Variants in RARB observed in about 807,000 individuals in gnomAD.
The protein encoded by RARB is HBV-activated protein.
Under a neutral mutation model 51.9 loss-of-function variants are expected in RARB, and 17 were observed. The ratio of observed to expected loss-of-function variants is 0.33; its 90% CI spans 0.22 to 0.49. The LOEUF is 0.49. Ranked by LOEUF, RARB falls within the 20% of genes least tolerant of loss-of-function variation. The pLI is 0.99. For missense variants in RARB, 369 were observed against 550.8 expected (o/e 0.67, Z 3.30); for synonymous variants, 215 against 195.4 (o/e 1.10, Z -0.84).
chr3:25,574,489 G>A (rs1429068674), intron 4 of RARB, among the ~76,000 whole-genome samples: 3 of 152,142 alleles, frequency 2.0e-5, no homozygotes, highest in Admixed American at 1.3e-4. Flanking sequence ...CTGTAAACTA[G>A]CGTGGGTGTG....
intron 2 of RARB, among the ~76,000 whole-genome samples, chr3:24,879,397 C>G (rs1052079125): frequency 6.6e-6 from 1 of 151,278 alleles, no homozygotes; most frequent in African/African-American, 2.4e-5. Context: ...TCACTGCATT[C>G]CAGCCTGGGC....
intron 3 of RARB, among the ~76,000 whole-genome samples, chr3:25,568,567 A>G (rs1201215269): frequency 3.3e-5 from 5 of 150,852 alleles, no homozygotes; most frequent in Admixed American, 6.6e-5. Flanking sequence ...TCCTCCTGCT[A>G]TTGTCTTACT....
chr3:24,911,478 G>C (rs545157424), intron 2 of RARB, among the ~76,000 whole-genome samples: 9 of 152,284 alleles, frequency 5.9e-5, no homozygotes, highest in African/African-American at 2.2e-4. Flanking sequence ...ATATGGAGGA[G>C]GAATGGTCCC....
intron 1 of RARB, among the ~76,000 whole-genome samples, chr3:25,443,748 A>G (rs1355396330): frequency 6.6e-6 from 1 of 152,030 alleles, no homozygotes; most frequent in South Asian, 2.1e-4. Flanking sequence ...CCTGGCCAAC[A>G]TGGTGAAACC....
chr3:25,228,091 C>G (rs960546537), intron 5 of RARB, among the ~76,000 whole-genome samples: 1 of 151,950 alleles, frequency 6.6e-6, no homozygotes, highest in Non-Finnish European at 1.5e-5. Context: ...AGTTCAAAAA[C>G]TTCACCAGAA....
At chr3:25,449,769 T>G (rs1575414747) in intron 1 of RARB, among the ~76,000 whole-genome samples, 1 of 151,946 alleles carries the variant, frequency 6.6e-6, no homozygotes, top group East Asian at 1.9e-4. Context: ...TTTTTTTTTT[T>G]TAGACGGAGT....
chr3:25,011,743 T>A (rs1329362170), intron 2 of RARB, among the ~76,000 whole-genome samples: 2 of 152,118 alleles, frequency 1.3e-5, no homozygotes, highest in African/African-American at 4.8e-5. Flanking sequence ...GTCAAAGAAG[T>A]TGGTGTGTCC....
chr3:25,555,490 G>A (rs577520711), intron 3 of RARB: 1 of 152,202 alleles, frequency 6.6e-6, no homozygotes, highest in East Asian at 1.9e-4. Flanking sequence ...CATCCTCAGT[G>A]CCTAGAACAG....
chr3:24,849,378 C>A (rs1022809046), intron 1 of RARB, among the ~76,000 whole-genome samples: 1 of 152,166 alleles, frequency 6.6e-6, no homozygotes, highest in African/African-American at 2.4e-5. Flanking sequence ...GTGCCTGTGG[C>A]AGAGCTTAGT....
intron 4 of RARB, among the ~76,000 whole-genome samples, chr3:25,139,069 A>G (rs2125336265): frequency 6.6e-6 from 1 of 152,252 alleles, no homozygotes; most frequent in Non-Finnish European, 1.5e-5. Flanking sequence ...AACTTAATTG[A>G]TAAATAGTGT....
chr3:25,211,274 G>A (rs538983794), intron 5 of RARB, among the ~76,000 whole-genome samples: 16 of 152,254 alleles, frequency 1.1e-4, no homozygotes, highest in Non-Finnish European at 2.1e-4. Flanking sequence ...CTGACAACAG[G>A]GTGAGTGCTG....
chr3:25,368,505 C>T (rs1031301386), intron 5 of RARB, among the ~76,000 whole-genome samples: 1 of 152,106 alleles, frequency 6.6e-6, no homozygotes, highest in African/African-American at 2.4e-5. Flanking sequence ...TATTTGTGCA[C>T]ACACATACTT....
At chr3:25,007,365 C>T (rs969121031) in intron 2 of RARB, among the ~76,000 whole-genome samples, 17 of 151,968 alleles carry the variant, frequency 1.1e-4, no homozygotes, top group African/African-American at 3.9e-4. Flanking sequence ...GTGGCTCACG[C>T]CTGTAATCCC....
At chr3:25,540,015 G>A (rs756208946) in intron 3 of RARB, among the ~76,000 whole-genome samples, 7 of 152,060 alleles carry the variant, frequency 4.6e-5, no homozygotes, top group Admixed American at 6.5e-5. Context: ...GCCGACTGCT[G>A]GACTTTAGTA....
chr3:25,084,401 C>T (rs1042460976), intron 3 of RARB, among the ~76,000 whole-genome samples: 2 of 151,936 alleles, frequency 1.3e-5, no homozygotes, highest in African/African-American at 4.8e-5. Flanking sequence ...GAAGTATATA[C>T]ACAAGTGTAC....
In RARB at chr3:24,942,406, C is replaced by T. The variant is rs540382682; in HGVS notation, c.-380+83654C>T. 9.2e-5 allele frequency among the ~76,000 whole-genome samples: 14 copies of T among 152,242 alleles called. No individual in the cohort carries two copies. The South Asian group carries it at 2.5e-3, about 27-fold the overall frequency. On this transcript the variant is annotated intron_variant, in intron 2 of 11. Transcript: ENST00000383772. Reference sequence around the variant, plus strand: ...CTAATTCATATGTAAGGAAATGAGGCCCTCATCTGAAGAGGTGGCTTGGGA... The same window carrying T: ...CTAATTCATATGTAAGGAAATGAGGTCCTCATCTGAAGAGGTGGCTTGGGA...
intron 2 of RARB, among the ~76,000 whole-genome samples, chr3:24,914,762 A>G (rs114156308): frequency 0.02 from 2,976 of 152,256 alleles, 89 homozygotes; most frequent in African/African-American, 0.069. Flanking sequence ...AATATTTTCA[A>G]TCTGAAACTG....
intron 5 of RARB, among the ~76,000 whole-genome samples, chr3:25,286,320 C>T (rs1159057110): frequency 6.6e-6 from 1 of 152,062 alleles, no homozygotes; most frequent in South Asian, 2.1e-4. Flanking sequence ...GATCTCCTGA[C>T]CTCGTGATCC....
chr3:25,453,610 A>G (rs1209024787), intron 1 of RARB, among the ~76,000 whole-genome samples: 1 of 152,088 alleles, frequency 6.6e-6, no homozygotes, highest in Non-Finnish European at 1.5e-5. Context: ...CACTTTGCTG[A>G]GCAAGGCTTT....
Sources: allele counts gnomAD v4.1 joint callset (sites outside exome capture counted in the v4.1 genomes callset), GRCh38; gene constraint gnomAD v4.1.1; transcripts MANE v1.5; gene names NCBI Gene and HGNC (gene_info 2026-07-23, HGNC 2026-07-21).